The following ANTXR2 variants were observed in gnomAD, a reference collection of about 807,000 sequenced individuals.
ANTXR2 encodes the protein anthrax toxin receptor 2.
In ANTXR2, 44 loss-of-function variants were observed where a neutral mutation model predicts 73.7. That is an observed-to-expected ratio of 0.60 (90% CI 0.47 to 0.77). The LOEUF (loss-of-function observed/expected upper bound fraction) is 0.77. Ranked by LOEUF, ANTXR2 falls within the 30% of genes least tolerant of loss-of-function variation. ANTXR2 has a pLI of 0.00. For synonymous variants in ANTXR2, 217 were observed against 205.9 expected (o/e 1.05, Z -0.46); for missense variants, 604 against 592.5 (o/e 1.02, Z -0.20).
rs1031994823 is a variant in ANTXR2 at position 80,072,702 on chromosome 4, G to A, written c.-142C>T. The A allele has an allele frequency of 1.2e-5, 16 of 1,348,370 alleles. No individual in the cohort carries two copies. The highest frequency in any genetic ancestry group is 1.3e-5 in the Non-Finnish European group (14 of 1,055,302). 83.5% of individuals were successfully genotyped at this position (1,348,370 alleles called of 1,614,324 possible). A position where few individuals can be genotyped will look rare whatever the true frequency, so the allele number is the denominator to read the frequency against. ...GAGACGCCGGCGCCTGCGGCAGCGGGACCCACCAGCTGACAGGGAGGGAGA... is the reference window on the plus strand; with the variant it reads ...GAGACGCCGGCGCCTGCGGCAGCGGAACCCACCAGCTGACAGGGAGGGAGA... On this transcript the variant is annotated 5_prime_UTR_variant, in exon 1 of 17. Transcript: ENST00000403729.
chr4:79,984,977 C>T lies in ANTXR2; in HGVS notation c.1042-114G>A, dbSNP rs4444771. 0.72 allele frequency: 588,227 copies of T among 815,176 alleles called. 218,116 individuals are homozygous for T. Among genetic ancestry groups the T allele is most frequent in the East Asian group, 0.97 (36,171 of 37,294 alleles). 50.5% of individuals were successfully genotyped at this position (815,176 alleles called of 1,614,324 possible). ...GTGGTAGCTCCAAAGAAGTCCCTCA[C>T]TGAAGCTTGCCACCCAATATTTATG... is the stretch of plus-strand genomic sequence containing the variant. On this transcript the variant is annotated intron_variant, in intron 12 of 16. Coordinates refer to ENST00000403729, the MANE Select transcript of ANTXR2 (RefSeq NM_058172.6).
chr4:80,031,146 G>A (rs553950510), intron 10 of ANTXR2, among the ~76,000 whole-genome samples: 2 of 151,948 alleles, frequency 1.3e-5, no homozygotes, highest in African/African-American at 2.4e-5. Flanking sequence ...AAATGTACAA[G>A]TATTTCCTAG....
chr4:80,017,464 C>G (rs757707227), intron 11 of ANTXR2, among the ~76,000 whole-genome samples: 1 of 152,142 alleles, frequency 6.6e-6, no homozygotes, highest in Non-Finnish European at 1.5e-5. Flanking sequence ...TGAAATCTCC[C>G]CACTCTTAAA....
rs1258022951 is a variant in ANTXR2 at position 80,072,553 on chromosome 4, G to A, written c.8C>T (p.Ala3Val). MVAERSPARSPGS... is the reference protein window; with the variant it reads MVVERSPARSPGS... ...GGGGCTGCGGGCCGGGGACCGCTCC[G>A]CCACCATCCTGCGGCCGGGGGCCTG... Residue 3 changes from alanine (A) to valine (V), a missense_variant, in exon 1 of 17, where the codon GCG (alanine) becomes GTG (valine). Coordinates refer to ENST00000403729, the MANE Select transcript of ANTXR2 (RefSeq NM_058172.6). The A allele has an allele frequency of 1.9e-6, 3 of 1,561,798 alleles. No homozygotes were observed. Among genetic ancestry groups the A allele is most frequent in the Non-Finnish European group, 2.6e-6 (3 of 1,156,294 alleles).
chr4:80,047,740 A>T (rs1375054027), intron 7 of ANTXR2, among the ~76,000 whole-genome samples: 2 of 151,728 alleles, frequency 1.3e-5, no homozygotes, highest in Non-Finnish European at 2.9e-5. Flanking sequence ...ACCACCATTC[A>T]TCTAAACAAG....
At chr4:80,044,389 C>T (rs920973286) in intron 7 of ANTXR2, among the ~76,000 whole-genome samples, 5 of 151,874 alleles carry the variant, frequency 3.3e-5, no homozygotes, top group East Asian at 1.9e-4. Context: ...AAAGCAATAT[C>T]ATGTCCTGAA....
chr4:80,007,508 T>A (rs924890780), intron 12 of ANTXR2, among the ~76,000 whole-genome samples: 5 of 152,154 alleles, frequency 3.3e-5, no homozygotes, highest in African/African-American at 1.2e-4. Flanking sequence ...GAATATGTTA[T>A]CTTAATGGCA....
intron 16 of ANTXR2, among the ~76,000 whole-genome samples, chr4:79,955,842 C>A (rs902382708): frequency 6.6e-6 from 1 of 152,166 alleles, no homozygotes; most frequent in Non-Finnish European, 1.5e-5. Context: ...CCACCAAGGG[C>A]TATAGGAATA....
chr4:80,004,992 A>T (rs1352075855), intron 12 of ANTXR2, among the ~76,000 whole-genome samples: 3 of 152,172 alleles, frequency 2.0e-5, no homozygotes, highest in African/African-American at 7.2e-5. Context: ...TAACATTGTC[A>T]TCACTGACTC....
rs888905874 is a variant in ANTXR2 at position 79,983,822 on chromosome 4, G to A, written c.1179+56C>T. The A allele has an allele frequency of 7.6e-6, 10 of 1,316,240 alleles. No individual in the cohort carries two copies. In the Admixed American group the frequency reaches 1.4e-4, roughly 18 times the overall value. The allele number at this position is 1,316,240 out of a possible 1,614,324, so 81.5% of individuals were successfully genotyped here. A position where few individuals can be genotyped will look rare whatever the true frequency, so the allele number is the denominator to read the frequency against. ...GAAAAGTAGTTTCTATGGCTTAATAGCCCTAGAAATACATACTCCAGATTA... is the reference window on the plus strand; with the variant it reads ...GAAAAGTAGTTTCTATGGCTTAATAACCCTAGAAATACATACTCCAGATTA... On this transcript the variant is annotated intron_variant, in intron 14 of 16. Coordinates refer to ENST00000403729, the MANE Select transcript of ANTXR2 (RefSeq NM_058172.6).
chr4:79,984,211 T>C (rs763212841), intron 13 of ANTXR2, among the ~76,000 whole-genome samples: 48 of 152,168 alleles, frequency 3.2e-4, no homozygotes, highest in Non-Finnish European at 5.7e-4. Flanking sequence ...CCTAGGTAAC[T>C]AGAAGTTGTT....
intron 16 of ANTXR2, among the ~76,000 whole-genome samples, chr4:79,909,644 C>T (rs1405399540): frequency 8.2e-6 from 1 of 121,520 alleles, no homozygotes; most frequent in East Asian, 2.1e-4. Flanking sequence ...GATATAAGCA[C>T]CAAAAAAAAA....
At chr4:79,986,191 C>A (rs1474570350) in intron 12 of ANTXR2, among the ~76,000 whole-genome samples, 1 of 152,048 alleles carries the variant, frequency 6.6e-6, no homozygotes, top group African/African-American at 2.4e-5. Flanking sequence ...TTCACACCAT[C>A]GTGATGGAAA....
chr4:80,055,510 A>G (rs201738027), intron 4 of ANTXR2, 43 bp from the exon 5 acceptor site: 1 of 1,489,706 alleles, frequency 6.7e-7, no homozygotes, highest in African/African-American at 1.4e-5. Flanking sequence ...TTTAATTTTA[A>G]CTTTTAACCA....
In ANTXR2 at chr4:80,056,001, A is replaced by C. The variant is rs998806929; in HGVS notation, c.309T>G (p.Ser103Arg). 1.9e-6 allele frequency: 3 copies of C among 1,558,758 alleles called. No individual in the cohort carries two copies. Among genetic ancestry groups the C allele is most frequent in the African/African-American group, 1.4e-5 (1 of 72,448 alleles). ...LPLTGDRGKI[S>R]KGLEDLKRVS... ...CACGTTTTAAATCCTCCAAGCCTTT[A>C]CTGATTTTGCCTCTGAAAATAATAT... Residue 103 changes from serine (S) to arginine (R), a missense_variant, in exon 4 of 17, where the codon AGT becomes AGG. Transcript: ENST00000403729.
intron 3 of ANTXR2, among the ~76,000 whole-genome samples, chr4:80,063,608 A>AC (rs891168084): frequency 7.3e-5 from 11 of 151,370 alleles, no homozygotes; most frequent in African/African-American, 2.7e-4. Flanking sequence ...AATCACATAC[A>AC]CCCCCCTCAC....
intron 12 of ANTXR2, among the ~76,000 whole-genome samples, chr4:80,002,666 C>A (rs1487740615): frequency 6.6e-6 from 1 of 151,760 alleles, no homozygotes; most frequent in Non-Finnish European, 1.5e-5. Context: ...ACTCATCTGA[C>A]AAAGGGCTCA....
At chr4:79,993,758 ACG>A (rs745424355) in intron 12 of ANTXR2, among the ~76,000 whole-genome samples, 1 of 144,798 alleles carries the variant, frequency 6.9e-6, no homozygotes, top group Non-Finnish European at 1.5e-5. Context: ...ACACACACAC[ACG>A]CACACACACA....
intron 3 of ANTXR2, among the ~76,000 whole-genome samples, chr4:80,066,121 G>C (rs1361119361): frequency 6.6e-6 from 1 of 152,112 alleles, no homozygotes; most frequent in Non-Finnish European, 1.5e-5. Flanking sequence ...AGAAGTTACT[G>C]ATTTAATTAA....
Sources: allele counts gnomAD v4.1 joint callset (sites outside exome capture counted in the v4.1 genomes callset), GRCh38; gene constraint gnomAD v4.1.1; transcripts MANE v1.5; gene names NCBI Gene and HGNC (gene_info 2026-07-23, HGNC 2026-07-21).